CSMD1: variants seen among roughly 807,000 people sequenced by gnomAD.
CSMD1 encodes CUB and Sushi multiple domains 1.
In CSMD1, 213 loss-of-function variants were observed where a neutral mutation model predicts 417.5. The observed-to-expected ratio is 0.51, with a 90% CI of 0.46 to 0.57. The LOEUF is 0.57. Among genes scored for constraint, CSMD1 ranks in the 20% least tolerant of loss-of-function variants. CSMD1 has a pLI of 0.00. For synonymous variants in CSMD1, 2,862 were observed against 1,736.8 expected (o/e 1.65, Z -16.11); for missense variants, 6,923 against 4,529.7 (o/e 1.53, Z -15.17).
At chr8:4,291,792 C>A (rs1286970716) in intron 3 of CSMD1, among the ~76,000 whole-genome samples, 1 of 152,164 alleles carries the variant, frequency 6.6e-6, no homozygotes, top group Non-Finnish European at 1.5e-5. Context: ...TAATATAAGA[C>A]AAGTAATATC....
intron 5 of CSMD1, among the ~76,000 whole-genome samples, chr8:3,984,192 G>C (rs1388330208): frequency 2.1e-5 from 3 of 142,334 alleles, no homozygotes; most frequent in African/African-American, 5.2e-5. Context: ...GAACCTCTCA[G>C]ACTGCGCTTG....
chr8:4,095,069 G>C (rs1408300270), intron 3 of CSMD1, among the ~76,000 whole-genome samples: 1 of 152,156 alleles, frequency 6.6e-6, no homozygotes, highest in Non-Finnish European at 1.5e-5. Flanking sequence ...GGGCTAACAA[G>C]AGCTTGGATT....
In CSMD1 at chr8:4,712,342, C is replaced by G. The variant is rs538518897; in HGVS notation, c.86-74784G>C. Among the ~76,000 whole-genome samples, 4 of 152,248 alleles carry G rather than the reference C, an allele frequency of 2.6e-5. No individual in the cohort carries two copies. The South Asian group carries it at 8.3e-4, about 32-fold the overall frequency. On this transcript the variant is annotated intron_variant, in intron 1 of 69. Coordinates refer to ENST00000635120, the MANE Select transcript of CSMD1 (RefSeq NM_033225.6). ...CACTTCCAACCACGCATTTCCAGAA[C>G]GGAAAACCCTTTGATTTGTACATGG...
chr8:2,944,415 G>C (rs779280345), intron 68 of CSMD1, among the ~76,000 whole-genome samples: 14 of 152,190 alleles, frequency 9.2e-5, no homozygotes, highest in African/African-American at 3.1e-4. Flanking sequence ...GGGTGGTGCT[G>C]TCCAACAGAG....
intron 12 of CSMD1, among the ~76,000 whole-genome samples, chr8:3,461,430 A>G (rs1384816253): frequency 6.6e-6 from 1 of 152,172 alleles, no homozygotes; most frequent in African/African-American, 2.4e-5. Flanking sequence ...CAGTCCCCAG[A>G]GGCTGGAATA....
intron 2 of CSMD1, among the ~76,000 whole-genome samples, chr8:4,462,020 C>G (rs980618552): frequency 6.6e-6 from 1 of 151,906 alleles, no homozygotes; most frequent in African/African-American, 2.4e-5. Context: ...GGATTACAGG[C>G]TGAGCCACCA....
intron 2 of CSMD1, among the ~76,000 whole-genome samples, chr8:4,461,139 A>C (rs931289711): frequency 1.5e-5 from 2 of 137,702 alleles, no homozygotes; most frequent in African/African-American, 5.5e-5. Context: ...ATAACAATAA[A>C]ATAAAGTCAG....
chr8:3,548,049 G>A (rs1417079969), intron 10 of CSMD1, among the ~76,000 whole-genome samples: 4 of 152,172 alleles, frequency 2.6e-5, no homozygotes, highest in Non-Finnish European at 5.9e-5. Flanking sequence ...ACCACCCCAT[G>A]AAAGTAGGAC....
At chr8:3,794,970 G>C (rs1242630918) in intron 5 of CSMD1, among the ~76,000 whole-genome samples, 4 of 150,216 alleles carry the variant, frequency 2.7e-5, no homozygotes, top group African/African-American at 9.8e-5. Context: ...ATCATGTATA[G>C]CTATAGATAT....
intron 5 of CSMD1, among the ~76,000 whole-genome samples, chr8:3,781,459 G>T (rs890013085): frequency 6.6e-6 from 1 of 151,816 alleles, no homozygotes; most frequent in Non-Finnish European, 1.5e-5. Flanking sequence ...GAGAATACGG[G>T]TTAAGGGAGC....
chr8:3,538,249 G>C (rs954009058), intron 10 of CSMD1, among the ~76,000 whole-genome samples: 2 of 152,216 alleles, frequency 1.3e-5, no homozygotes, highest in African/African-American at 4.8e-5. Flanking sequence ...CACCTGAGAT[G>C]CCTCACCTGA....
At chr8:4,441,656 A>C (rs561385923) in intron 2 of CSMD1, among the ~76,000 whole-genome samples, 1 of 152,306 alleles carries the variant, frequency 6.6e-6, no homozygotes, top group African/African-American at 2.4e-5. Flanking sequence ...CAGAAAAGTC[A>C]CATTTTTTTC....
At chr8:3,000,164 G>C (rs773223209) in intron 52 of CSMD1, 33 bp from the exon 53 acceptor site, 31 of 1,477,712 alleles carry the variant, frequency 2.1e-5, no homozygotes, top group Non-Finnish European at 2.8e-5. Flanking sequence ...AAAATTTAGA[G>C]TGTCTGTCAT....
intron 10 of CSMD1, among the ~76,000 whole-genome samples, chr8:3,519,762 G>T (rs1440786772): frequency 6.6e-6 from 1 of 152,046 alleles, no homozygotes; most frequent in Non-Finnish European, 1.5e-5. Context: ...ATAGAAAGTT[G>T]GCTGTATGGA....
chr8:3,931,615 T>A (rs1440110592), intron 5 of CSMD1, among the ~76,000 whole-genome samples: 1 of 149,518 alleles, frequency 6.7e-6, no homozygotes, highest in Non-Finnish European at 1.5e-5. Flanking sequence ...CGCCAAGAGT[T>A]AGAGACAGAG....
chr8:4,383,390 A>G (rs1803232797), intron 3 of CSMD1, among the ~76,000 whole-genome samples: 1 of 152,204 alleles, frequency 6.6e-6, no homozygotes. Context: ...CTTGGGGGCT[A>G]CATTTACTAC....
chr8:4,811,860 T>A (rs769768878), intron 1 of CSMD1, among the ~76,000 whole-genome samples: 2 of 152,156 alleles, frequency 1.3e-5, no homozygotes, highest in Admixed American at 6.5e-5. Flanking sequence ...GTGAAATCAG[T>A]GCCACAGCTG....
chr8:3,252,056 T>C (rs146347936), intron 26 of CSMD1, among the ~76,000 whole-genome samples: 11,130 of 152,248 alleles, frequency 0.073, 553 homozygotes, highest in Admixed American at 0.13. Context: ...TACCTTTTAT[T>C]TCCTTCTGCC....
chr8:3,645,106 G>C (rs1246422240), intron 7 of CSMD1, among the ~76,000 whole-genome samples: 1 of 151,716 alleles, frequency 6.6e-6, no homozygotes, highest in African/African-American at 2.4e-5. Flanking sequence ...CTGTCCTGAA[G>C]CCTGCTAAGG....
Sources: gnomAD v4.1 joint callset for allele counts (sites outside exome capture counted in the v4.1 genomes callset) on GRCh38, gnomAD v4.1.1 for gene constraint, MANE v1.5 for transcripts, NCBI Gene and HGNC (gene_info 2026-07-23, HGNC 2026-07-21) for gene names.